The following UACA variants were observed in gnomAD, a reference collection of about 807,000 sequenced individuals.
UACA encodes nuclear membrane binding protein.
A neutral mutation model predicts 160.5 loss-of-function variants in UACA; 112 were observed. The ratio of observed to expected loss-of-function variants is 0.70; its 90% CI spans 0.60 to 0.82. UACA has a LOEUF of 0.82. Among genes scored for constraint, UACA ranks in the 40% least tolerant of loss-of-function variants. The pLI is 0.00. For synonymous variants in UACA, 557 were observed against 568.4 expected, an observed-to-expected ratio of 0.98 and a Z score of 0.29; for missense variants, 1,574 against 1,614.6, an observed-to-expected ratio of 0.97 and a Z score of 0.43.
chr15:70,663,801 T>C (rs1371536683), intron 17 of UACA, among the ~76,000 whole-genome samples: 2 of 138,446 alleles, frequency 1.4e-5, no homozygotes, highest in African/African-American at 2.7e-5. Flanking sequence ...TTCTCACTCA[T>C]AGGTGGGAAC....
At chr15:70,736,060 G>A (rs191633327) in intron 1 of UACA, among the ~76,000 whole-genome samples, 9 of 152,064 alleles carry the variant, frequency 5.9e-5, no homozygotes, top group African/African-American at 2.2e-4. Context: ...ATTGATTTTT[G>A]AATTTAATGT....
At chr15:70,685,769 T>C (rs1439088479) in intron 7 of UACA, among the ~76,000 whole-genome samples, 1 of 152,028 alleles carries the variant, frequency 6.6e-6, no homozygotes, top group African/African-American at 2.4e-5. Flanking sequence ...CCCTCTGTGA[T>C]CCTAAAATTA....
intron 5 of UACA, among the ~76,000 whole-genome samples, chr15:70,688,990 T>C (rs1444747576): frequency 6.6e-6 from 1 of 152,202 alleles, no homozygotes; most frequent in Non-Finnish European, 1.5e-5. Flanking sequence ...AGTTTATTTC[T>C]GAGCCTCCCT....
intron 1 of UACA, 36 bp from the exon 2 acceptor site, chr15:70,699,696 C>T (rs1566982122): frequency 1.2e-6 from 2 of 1,600,172 alleles, no homozygotes; most frequent in East Asian, 2.2e-5. Flanking sequence ...ATATGGCATA[C>T]TACATTAGTT....
In UACA at chr15:70,688,273, T is replaced by C. The variant is rs534413743; in HGVS notation, c.425-453A>G. ...TTTCTCATAAAAGCAGAGATTGCAA[T>C]GTCTACCTTTATGCAAAGTAAGGTC... On this transcript the variant is annotated intron_variant, in intron 5 of 18. Transcript: ENST00000322954. Among the ~76,000 whole-genome samples, 12 of 152,300 alleles carry C rather than the reference T, an allele frequency of 7.9e-5. 1 individual carries two copies. In the South Asian group the frequency reaches 2.1e-3, roughly 26 times the overall value.
intron 7 of UACA, among the ~76,000 whole-genome samples, chr15:70,684,814 T>A (rs1897650893): frequency 6.6e-6 from 1 of 152,208 alleles, no homozygotes; most frequent in South Asian, 2.1e-4. Context: ...ATATAGATTT[T>A]ACTTTATATT....
At chr15:70,684,798 T>C (rs958318372) in intron 7 of UACA, among the ~76,000 whole-genome samples, 1 of 152,128 alleles carries the variant, frequency 6.6e-6, no homozygotes, top group Non-Finnish European at 1.5e-5. Flanking sequence ...GTCATGCCTG[T>C]TACAGATATA....
intron 1 of UACA, chr15:70,749,394 C>G (rs1479080181): frequency 3.2e-5 from 6 of 186,194 alleles, no homozygotes; most frequent in Non-Finnish European, 6.9e-5. Context: ...GGCGCGGTGG[C>G]GGGCGCCTGT....
intron 1 of UACA, chr15:70,701,768 A>G: frequency 9.3e-7 from 1 of 1,073,858 alleles, no homozygotes; most frequent in Non-Finnish European, 1.3e-6. Context: ...ATCAAGAAGA[A>G]AACAATAAAG....
In UACA at chr15:70,763,358, G is replaced by C; in HGVS notation, c.50C>G (p.Ala17Gly). The stretch of plus-strand genomic sequence containing the variant: ...GCTGGCGGCGGCGGCGCCAGACGAC[G>C]CGGGGCCGGGCACGTCCTGCCTCCT... ...RLRRQDVPGP[A>G]SSGAAAASAH... Residue 17 changes from alanine (A) to glycine (G), a missense_variant, in exon 1 of 19, where the codon GCG becomes GGG. Coordinates refer to ENST00000322954, the MANE Select transcript of UACA (RefSeq NM_018003.4). 7.5e-7 allele frequency: 1 copy of C among 1,333,636 alleles called. No individual in the cohort carries two copies. The highest frequency in any genetic ancestry group is 9.6e-7 in the Non-Finnish European group (1 of 1,036,686). The allele number at this position is 1,333,636 out of a possible 1,614,324, so 82.6% of individuals were successfully genotyped here.
chr15:70,710,338 CTG>C (rs1158316586), intron 1 of UACA, among the ~76,000 whole-genome samples: 3 of 152,220 alleles, frequency 2.0e-5, no homozygotes, highest in African/African-American at 7.2e-5. Flanking sequence ...TATAAGCACT[CTG>C]TGAGATAGGA....
rs192384739 is a variant in UACA at position 70,719,583 on chromosome 15, T to C, written c.79-19923A>G. On this transcript the variant is annotated intron_variant, in intron 1 of 18. Coordinates refer to ENST00000322954, the MANE Select transcript of UACA (RefSeq NM_018003.4). ...AAGAAAAAATACAACCACCAAAACA[T>C]CATTCTGTTTGAATTAAGGAAACAT... Among the ~76,000 whole-genome samples the C allele has an allele frequency of 2.8e-3, 427 of 152,284 alleles. 4 individuals are homozygous for C. The highest frequency in any genetic ancestry group is 3.9e-3 in the Non-Finnish European group (265 of 68,016).
At position 70,667,684 on chromosome 15, in the gene UACA, T is replaced by G. The variant is rs1378745086; in HGVS notation, c.3000A>C (p.Ala1000=). ...SFEECERKFK[A]TEKELKDQLS... is the part of the protein sequence containing the mutation. ...ACTGGTCTTTTAGTTCTTTCTCTGT[T>G]GCTTTAAATTTTCTCTCGCACTCCT... is the stretch of plus-strand genomic sequence containing the variant. Residue 1000 remains alanine (A), a synonymous_variant, in exon 16 of 19, where the codon GCA becomes GCC. Coordinates refer to ENST00000322954, the MANE Select transcript of UACA (RefSeq NM_018003.4). 1.9e-6 allele frequency: 3 copies of G among 1,613,808 alleles called. No homozygotes were observed. Among genetic ancestry groups the G allele is most frequent in the Non-Finnish European group, 1.7e-6 (2 of 1,180,006 alleles).
rs755585403 is a variant in UACA, at chr15:70,682,769, A to T, written c.811T>A (p.Ser271Thr). 6.4e-7 allele frequency: 1 copy of T among 1,564,092 alleles called. No homozygotes were observed. The highest frequency in any genetic ancestry group is 8.6e-7 in the Non-Finnish European group (1 of 1,156,636). The change falls in exon 9 of 19, where the codon TCT (serine) becomes ACT (threonine). Residue 271 changes from serine to threonine, a missense_variant. Coordinates refer to ENST00000322954, the MANE Select transcript of UACA (RefSeq NM_018003.4). ...AAATTAATATCTACCTGTTGCAAAG[A>T]TGGCCCTTTCTTCCAAAGTTCTCTC... ...KGRELWKKGP[S>T]LQQRNLTHMQ...
chr15:70,735,786 C>T (rs1899346879), intron 1 of UACA, among the ~76,000 whole-genome samples: 3 of 152,102 alleles, frequency 2.0e-5, no homozygotes, highest in Non-Finnish European at 4.4e-5. Flanking sequence ...AGTGATCCTC[C>T]CACTGCAGCC....
At position 70,660,169 on chromosome 15, in the gene UACA, G is replaced by A; in HGVS notation, c.4161C>T (p.His1387=). The A allele has an allele frequency of 1.2e-6, 2 of 1,613,468 alleles. No homozygotes were observed. Among genetic ancestry groups the A allele is most frequent in the Non-Finnish European group, 1.7e-6 (2 of 1,179,584 alleles). ...TCTTTACCTGTGCAGCACTAAGAAG[G>A]TGTGTCCGATAAATTGCAATTACTT... ...HQEVIAIYRT[H]LLSAAQGHMD... The change falls in exon 18 of 19, where the codon CAC becomes CAT. Residue 1387 remains histidine (H), a synonymous_variant. Coordinates refer to ENST00000322954, the MANE Select transcript of UACA (RefSeq NM_018003.4).
At chr15:70,768,269 C>T (rs1035539972), upstream of UACA, 8 of 152,152 alleles carry the variant, frequency 5.3e-5, no homozygotes, top group Admixed American at 3.9e-4. Context: ...CACTTATCTT[C>T]CAAAGAAGGC....
In UACA at chr15:70,668,478, AGTTATGTGCTTG is replaced by A; in HGVS notation, c.2194_2205del (p.Gln732_Asn735del). ...TAATGATTTTTCATTTCAATTGTTAAGTTATGTGCTTGCTCCTTGAGGAGCTTATTATCCAAA... is the reference window on the plus strand; with the variant it reads ...TAATGATTTTTCATTTCAATTGTTAACTCCTTGAGGAGCTTATTATCCAAA... On this transcript the variant is annotated inframe_deletion, in exon 16 of 19. Coordinates refer to ENST00000322954, the MANE Select transcript of UACA (RefSeq NM_018003.4). 1 of 1,612,232 alleles carries A rather than the reference AGTTATGTGCTTG, an allele frequency of 6.2e-7. No individual in the cohort carries two copies. Among genetic ancestry groups the A allele is most frequent in the Non-Finnish European group, 8.5e-7 (1 of 1,179,782 alleles).
In UACA at chr15:70,656,868, T is replaced by C. The variant is rs1016012066; in HGVS notation, c.*188A>G. On this transcript the variant is annotated 3_prime_UTR_variant, in exon 19 of 19. Coordinates refer to ENST00000322954, the MANE Select transcript of UACA (RefSeq NM_018003.4). ...TTGTAAAATTAACACATACAGAAAA[T>C]AAGATTCAAACTGATATTGAAAAAG... 2.1e-6 allele frequency: 1 copy of C among 471,030 alleles called. No homozygotes were observed. Among genetic ancestry groups the C allele is most frequent in the African/African-American group, 2.0e-5 (1 of 51,256 alleles). The allele number at this position is 471,030 out of a possible 1,614,324, so 29.2% of individuals were successfully genotyped here.
Sources: gnomAD v4.1 joint callset for allele counts (sites outside exome capture counted in the v4.1 genomes callset) on GRCh38, gnomAD v4.1.1 for gene constraint, MANE v1.5 for transcripts, NCBI Gene and HGNC (gene_info 2026-07-23, HGNC 2026-07-21) for gene names.